The following APP variants were observed in gnomAD, a reference collection of about 807,000 sequenced individuals.
APP encodes the protein amyloid beta precursor protein, also known as amyloid-beta precursor protein.
A neutral mutation model predicts 101.4 loss-of-function variants in APP; 31 were observed. The observed-to-expected ratio is 0.31, with a 90% CI of 0.23 to 0.41. The LOEUF (loss-of-function observed/expected upper bound fraction) is 0.41. Among genes scored for constraint, APP ranks in the 10% least tolerant of loss-of-function variants. The pLI is 1.00. For missense variants in APP, 839 were observed against 1,003.7 expected (o/e 0.84, Z 2.22); for synonymous variants, 366 against 364.4 (o/e 1.00, Z -0.05).
At chr21:26,166,189 G>A (rs1029343300) in intron 1 of APP, among the ~76,000 whole-genome samples, 1 of 152,102 alleles carries the variant, frequency 6.6e-6, no homozygotes, top group Non-Finnish European at 1.5e-5. Context: ...CAGCTTCAGG[G>A]TTTGAGTTCT....
Position 25,887,517 on chromosome 21 carries a change from GAAAAAAAA to G in APP, c.2211+4197_2211+4204del, listed in dbSNP as rs199637906. ...GTAAGTCAATATTTCCTGCTTATTT[GAAAAAAAA>G]AAAAAAAAAAAAAAACAACAACTAG... is the stretch of plus-strand genomic sequence containing the variant. On this transcript the variant is annotated intron_variant, in intron 17 of 17. Transcript: ENST00000346798. Among the ~76,000 whole-genome samples the G allele has an allele frequency of 7.3e-4, 83 of 114,464 alleles. 1 individual carries two copies. Among genetic ancestry groups the G allele is most frequent in the Non-Finnish European group, 4.8e-4 (28 of 57,948 alleles). 75.1% of individuals were successfully genotyped at this position (114,464 alleles called of 152,430 possible).
chr21:25,888,286 G>A (rs1007172881), intron 17 of APP, among the ~76,000 whole-genome samples: 1 of 152,148 alleles, frequency 6.6e-6, no homozygotes, highest in Non-Finnish European at 1.5e-5. Flanking sequence ...ACTTCTGTGG[G>A]TGCAGACGCT....
chr21:26,046,297 T>G (rs1440289694), intron 5 of APP, among the ~76,000 whole-genome samples: 1 of 151,680 alleles, frequency 6.6e-6, no homozygotes, highest in Non-Finnish European at 1.5e-5. Flanking sequence ...GTAATCCCAA[T>G]TACTCGGGAA....
chr21:26,005,476 A>AAC (rs2043492369), intron 6 of APP, among the ~76,000 whole-genome samples: 1 of 152,206 alleles, frequency 6.6e-6, no homozygotes, highest in Non-Finnish European at 1.5e-5. Flanking sequence ...TAAGAGTTCT[A>AAC]ACCTTGTCTC....
At chr21:26,167,449 T>A (rs1270749324) in intron 1 of APP, among the ~76,000 whole-genome samples, 5 of 152,258 alleles carry the variant, frequency 3.3e-5, no homozygotes, top group Non-Finnish European at 7.3e-5. Context: ...AGAAACAATG[T>A]ACATTTCTAC....
intron 13 of APP, among the ~76,000 whole-genome samples, chr21:25,932,125 T>C (rs940524015): frequency 3.4e-4 from 51 of 152,218 alleles, no homozygotes; most frequent in African/African-American, 1.1e-3. Context: ...AACTAGAGAG[T>C]GAAGCATTTT....
intron 3 of APP, among the ~76,000 whole-genome samples, chr21:26,081,267 GC>G: frequency 1.3e-5 from 2 of 152,090 alleles, no homozygotes; most frequent in Middle Eastern, 6.8e-3. Context: ...TCACAACAAG[GC>G]TGTTTATTTC....
At chr21:25,916,068 G>T (rs1448051932) in intron 13 of APP, among the ~76,000 whole-genome samples, 1 of 151,844 alleles carries the variant, frequency 6.6e-6, no homozygotes, top group Non-Finnish European at 1.5e-5. Context: ...CCCTGGCTAT[G>T]TCATTCAGAA....
Position 26,053,312 on chromosome 21 carries a change from T to C in APP, c.392A>G (p.Asp131Gly). ...CTCCTGGTGTAAGAATTTGCACTTG[T>C]CAGGAACGAGAAGGGCATCACTTAC... ...EFVSDALLVP[D>G]KCKFLHQERM... is the part of the protein sequence containing the mutation. The change falls in exon 4 of 18, where the codon GAC becomes GGC. Residue 131 changes from aspartate to glycine, a missense_variant. Coordinates refer to ENST00000346798, the MANE Select transcript of APP (RefSeq NM_000484.4). The C allele has an allele frequency of 6.2e-7, 1 of 1,613,866 alleles. No homozygotes were observed. Among genetic ancestry groups the C allele is most frequent in the South Asian group, 1.1e-5 (1 of 91,072 alleles).
chr21:25,993,167 C>A (rs2042934906), intron 8 of APP, among the ~76,000 whole-genome samples: 1 of 152,156 alleles, frequency 6.6e-6, no homozygotes, highest in Non-Finnish European at 1.5e-5. Context: ...CAATTCTTTT[C>A]ATATTCTCTG....
At chr21:25,904,972 C>T (rs1601352518) in intron 15 of APP, 52 bp downstream of exon 15, 3 of 1,518,288 alleles carry the variant, frequency 2.0e-6, no homozygotes, top group East Asian at 4.5e-5. Context: ...ACAACGTCTG[C>T]TCGAGCTTAG....
chr21:25,976,082 C>T, intron 9 of APP, 54 bp from the exon 10 acceptor site: 1 of 1,402,954 alleles, frequency 7.1e-7, no homozygotes. Context: ...CCTTTGAATA[C>T]AGACTTAATA....
chr21:26,131,373 C>A (rs1157628966), intron 1 of APP, among the ~76,000 whole-genome samples: 1 of 152,052 alleles, frequency 6.6e-6, no homozygotes, highest in African/African-American at 2.4e-5. Context: ...GAAATGCAAC[C>A]ATTTTATTGT....
At chr21:26,150,606 C>CAT in intron 1 of APP, among the ~76,000 whole-genome samples, 1 of 148,678 alleles carries the variant, frequency 6.7e-6, no homozygotes, top group African/African-American at 2.5e-5. Flanking sequence ...TCTAGATAGA[C>CAT]AGATAGATAG....
At chr21:25,931,368 G>C (rs2040139333) in intron 13 of APP, among the ~76,000 whole-genome samples, 1 of 152,196 alleles carries the variant, frequency 6.6e-6, no homozygotes, top group African/African-American at 2.4e-5. Flanking sequence ...AGTGAAAAGG[G>C]AAGCAGCTTA....
chr21:25,932,987 A>G (rs1220704258), intron 13 of APP, among the ~76,000 whole-genome samples: 1 of 152,200 alleles, frequency 6.6e-6, no homozygotes, highest in Non-Finnish European at 1.5e-5. Flanking sequence ...TTTATTTTTT[A>G]TTGATACATA....
intron 8 of APP, among the ~76,000 whole-genome samples, chr21:25,987,999 A>G (rs2042701532): frequency 6.6e-6 from 1 of 152,208 alleles, no homozygotes; most frequent in South Asian, 2.1e-4. Context: ...AAAAAGAAAA[A>G]CAGAGCAGAG....
rs566723993 is a variant in APP at position 25,911,063 on chromosome 21, A to G, written c.1909+678T>C. Reference sequence around the variant, plus strand: ...ATTTTGTGCTTCCATTCCAGAGGGAACAATATACCTCACAGTTAAAAAACA... The same window carrying G: ...ATTTTGTGCTTCCATTCCAGAGGGAGCAATATACCTCACAGTTAAAAAACA... On this transcript the variant is annotated intron_variant, in intron 14 of 17. Coordinates refer to ENST00000346798, the MANE Select transcript of APP (RefSeq NM_000484.4). Among the ~76,000 whole-genome samples, 7 of 152,348 alleles carry G rather than the reference A, an allele frequency of 4.6e-5. No individual in the cohort carries two copies. In the South Asian group the frequency reaches 1.4e-3, roughly 32 times the overall value.
chr21:25,914,842 T>C (rs771351222), intron 13 of APP, among the ~76,000 whole-genome samples: 14 of 152,138 alleles, frequency 9.2e-5, no homozygotes, highest in Middle Eastern at 3.2e-3. Context: ...CGTGAGCCAC[T>C]GCACCCGGCT....
Sources: gnomAD v4.1 joint callset for allele counts (sites outside exome capture counted in the v4.1 genomes callset) on GRCh38, gnomAD v4.1.1 for gene constraint, MANE v1.5 for transcripts, NCBI Gene and HGNC (gene_info 2026-07-23, HGNC 2026-07-21) for gene names.